The following SLC24A3 variants were observed in gnomAD, a reference collection of about 807,000 sequenced individuals.
The protein encoded by SLC24A3 is sodium/potassium/calcium exchanger 3.
SLC24A3 carries 28 observed loss-of-function variants against 75.8 expected under a neutral mutation model. The observed-to-expected ratio is 0.37, with a 90% CI of 0.27 to 0.51. The LOEUF (loss-of-function observed/expected upper bound fraction) is 0.51, where lower values mean the gene tolerates loss of function less well. SLC24A3 is among the 20% of genes least tolerant of loss of function. The pLI is 0.94. For synonymous variants in SLC24A3, 372 were observed against 334.1 expected (o/e 1.11, Z -1.24); for missense variants, 663 against 847.8 (o/e 0.78, Z 2.71).
At chr20:19,264,100 T>A (rs1363291889) in intron 1 of SLC24A3, 4 of 150,264 alleles carry the variant, frequency 2.7e-5, no homozygotes, top group Admixed American at 6.6e-5. Context: ...CGTCTGTAGT[T>A]CTAGCTAGCT....
intron 2 of SLC24A3, among the ~76,000 whole-genome samples, chr20:19,287,635 T>C (rs1488230274): frequency 1.3e-5 from 2 of 152,254 alleles, no homozygotes; most frequent in Non-Finnish European, 2.9e-5. Flanking sequence ...AATTCCCTCA[T>C]CAAGTGAAAC....
intron 9 of SLC24A3, among the ~76,000 whole-genome samples, chr20:19,675,381 T>C (rs1014310228): frequency 6.6e-6 from 1 of 152,242 alleles, no homozygotes; most frequent in Non-Finnish European, 1.5e-5. Flanking sequence ...AGGTTTCTTA[T>C]TGTTGAGGCC....
chr20:19,568,982 C>T (rs1357567949), intron 3 of SLC24A3, among the ~76,000 whole-genome samples: 1 of 152,112 alleles, frequency 6.6e-6, no homozygotes, highest in Non-Finnish European at 1.5e-5. Flanking sequence ...TTGCTTTCCT[C>T]TATCTTACTT....
chr20:19,533,801 A>G (rs2030346909), intron 3 of SLC24A3, among the ~76,000 whole-genome samples: 2 of 152,224 alleles, frequency 1.3e-5, no homozygotes. Flanking sequence ...AACCATATCT[A>G]TATCTTGGAA....
At chr20:19,268,591 T>C (rs1983234524) in intron 1 of SLC24A3, among the ~76,000 whole-genome samples, 1 of 152,238 alleles carries the variant, frequency 6.6e-6, no homozygotes, top group South Asian at 2.1e-4. Flanking sequence ...TCATGATAGA[T>C]CTGAGACTAG....
chr20:19,666,805 T>C (rs542928950), intron 8 of SLC24A3, among the ~76,000 whole-genome samples: 2 of 152,282 alleles, frequency 1.3e-5, no homozygotes, highest in Admixed American at 1.3e-4. Context: ...GTTGCCCAAA[T>C]TAAATATATG....
At chr20:19,649,233 C>T (rs1452536054) in intron 6 of SLC24A3, among the ~76,000 whole-genome samples, 1 of 152,224 alleles carries the variant, frequency 6.6e-6, no homozygotes, top group Non-Finnish European at 1.5e-5. Context: ...GGCTGAGTCA[C>T]ATGGTTTCCG....
At chr20:19,429,022 C>T (rs1987059051) in intron 2 of SLC24A3, among the ~76,000 whole-genome samples, 1 of 152,148 alleles carries the variant, frequency 6.6e-6, no homozygotes, top group African/African-American at 2.4e-5. Context: ...AGTGTTTCTG[C>T]CCAGGAATTT....
chr20:19,223,592 G>A (rs190083602), intron 1 of SLC24A3, among the ~76,000 whole-genome samples: 2 of 152,170 alleles, frequency 1.3e-5, no homozygotes, highest in Admixed American at 6.5e-5. Context: ...TAGAAATTAG[G>A]CACAGTAAGA....
chr20:19,679,685 C>T (rs1237619817), intron 9 of SLC24A3, among the ~76,000 whole-genome samples: 1 of 152,194 alleles, frequency 6.6e-6, no homozygotes, highest in Non-Finnish European at 1.5e-5. Flanking sequence ...AAAATTAATA[C>T]TAATTCCTTA....
At chr20:19,321,870 T>C (rs919310545) in intron 2 of SLC24A3, among the ~76,000 whole-genome samples, 1 of 152,210 alleles carries the variant, frequency 6.6e-6, no homozygotes. Flanking sequence ...GTTCCCACAT[T>C]GCATTTTAGA....
At chr20:19,238,352 T>C (rs1982229331) in intron 1 of SLC24A3, among the ~76,000 whole-genome samples, 1 of 152,218 alleles carries the variant, frequency 6.6e-6, no homozygotes, top group Non-Finnish European at 1.5e-5. Flanking sequence ...CACAGTTTTA[T>C]TGTGAGAACT....
intron 2 of SLC24A3, among the ~76,000 whole-genome samples, chr20:19,508,844 A>AGGCCATGTG (rs1440533397): frequency 2.6e-5 from 4 of 152,254 alleles, no homozygotes; most frequent in Admixed American, 2.6e-4. Context: ...TGCTGTTAAC[A>AGGCCATGTG]GGCCATGTGG....
intron 6 of SLC24A3, among the ~76,000 whole-genome samples, chr20:19,609,874 G>A (rs2031648164): frequency 1.3e-5 from 2 of 152,182 alleles, no homozygotes; most frequent in African/African-American, 4.8e-5. Flanking sequence ...CTGTGAGTCA[G>A]GTGGAAGTGA....
chr20:19,676,733 G>C (rs2032528500), intron 9 of SLC24A3, among the ~76,000 whole-genome samples: 1 of 152,168 alleles, frequency 6.6e-6, no homozygotes, highest in African/African-American at 2.4e-5. Context: ...TGTCCAGTTA[G>C]GTAGAAACCT....
At chr20:19,380,551 G>A (rs886580603) in intron 2 of SLC24A3, among the ~76,000 whole-genome samples, 1 of 152,198 alleles carries the variant, frequency 6.6e-6, no homozygotes, top group Non-Finnish European at 1.5e-5. Flanking sequence ...CTCCGATGAT[G>A]GCTTTCTGCT....
intron 6 of SLC24A3, among the ~76,000 whole-genome samples, chr20:19,606,734 C>G (rs1385954127): frequency 6.6e-6 from 1 of 152,172 alleles, no homozygotes; most frequent in Non-Finnish European, 1.5e-5. Flanking sequence ...GGAGAATGCC[C>G]ATGGCATAGA....
intron 2 of SLC24A3, among the ~76,000 whole-genome samples, chr20:19,398,039 T>C (rs1361315608): frequency 6.6e-6 from 1 of 152,204 alleles, no homozygotes; most frequent in East Asian, 1.9e-4. Context: ...CTTTTTTCTA[T>C]CTTGGCTTCT....
At chr20:19,638,350 C>A (rs1216152096) in intron 6 of SLC24A3, among the ~76,000 whole-genome samples, 3 of 151,962 alleles carry the variant, frequency 2.0e-5, no homozygotes, top group Non-Finnish European at 4.4e-5. Flanking sequence ...AAGTGTATAC[C>A]GCTGGGACAT....
Sources: allele counts gnomAD v4.1 joint callset (sites outside exome capture counted in the v4.1 genomes callset), GRCh38; gene constraint gnomAD v4.1.1; transcripts MANE v1.5; gene names NCBI Gene and HGNC (gene_info 2026-07-23, HGNC 2026-07-21).